Variants in AGMO observed in about 807,000 individuals in gnomAD.
The protein encoded by AGMO is alkylglycerol monooxygenase.
In AGMO, 75 loss-of-function variants were observed where a neutral mutation model predicts 60.2. The observed-to-expected ratio is 1.25, with a 90% CI of 1.03 to 1.51. AGMO has a LOEUF of 1.51. AGMO is among the 40% of genes most tolerant of loss of function. AGMO has a pLI of 0.00. For synonymous variants in AGMO, 261 were observed against 177.1 expected (o/e 1.47, Z -3.76); for missense variants, 763 against 525.5 (o/e 1.45, Z -4.42).
chr7:15,394,092 G>C (rs201523312), intron 6 of AGMO, 21 bp downstream of exon 6: 205 of 1,575,490 alleles, frequency 1.3e-4, no homozygotes, highest in Non-Finnish European at 1.7e-4. Flanking sequence ...AGAAAAGAGA[G>C]AAGAAACAAA....
intron 12 of AGMO, among the ~76,000 whole-genome samples, chr7:15,308,114 A>T (rs1386706282): frequency 6.6e-6 from 1 of 152,036 alleles, no homozygotes; most frequent in Non-Finnish European, 1.5e-5. Context: ...TTTCCAAAAG[A>T]GCAAATCTAT....
intron 3 of AGMO, among the ~76,000 whole-genome samples, chr7:15,456,410 G>C (rs1340136736): frequency 1.3e-5 from 2 of 152,072 alleles, no homozygotes; most frequent in Admixed American, 6.6e-5. Context: ...ACATCAGGAA[G>C]AAGTCTTCCT....
At position 15,405,200 on chromosome 7, in the gene AGMO, C is replaced by T. The variant is rs114408089; in HGVS notation, c.610-11021G>A. 4.6e-3 allele frequency among the ~76,000 whole-genome samples: 702 copies of T among 151,892 alleles called. 6 individuals are homozygous for T. Among genetic ancestry groups the T allele is most frequent in the African/African-American group, 0.016 (647 of 41,484 alleles). On this transcript the variant is annotated intron_variant, in intron 5 of 12. Coordinates refer to ENST00000342526, the MANE Select transcript of AGMO (RefSeq NM_001004320.2). Reference sequence around the variant, plus strand: ...TTTCCTATGAGTACATTCTTCTTGTCGCTTTCTCTGCCTCCTGACAATAAA... The same window carrying T: ...TTTCCTATGAGTACATTCTTCTTGTTGCTTTCTCTGCCTCCTGACAATAAA...
At chr7:15,136,749 A>ATG in the AGMO span, among the ~76,000 whole-genome samples, 1,000 of 150,524 alleles carry the variant, frequency 6.6e-3, 3 homozygotes, top group Admixed American at 8.8e-3. Flanking sequence ...TGTGATGTGT[A>ATG]TGTGTGTGTG....
intron 12 of AGMO, among the ~76,000 whole-genome samples, chr7:15,210,373 A>T (rs1781554421): frequency 6.6e-6 from 1 of 152,142 alleles, no homozygotes; most frequent in African/African-American, 2.4e-5. Flanking sequence ...ATCCTCTGCT[A>T]ATATTAATCT....
chr7:15,284,442 C>T (rs1050324514), intron 12 of AGMO, among the ~76,000 whole-genome samples: 13 of 152,038 alleles, frequency 8.6e-5, no homozygotes, highest in African/African-American at 2.9e-4. Flanking sequence ...ACCATAAACA[C>T]TTTTATGCAC....
the AGMO span, among the ~76,000 whole-genome samples, chr7:15,184,522 G>T: frequency 2.9e-5 from 4 of 137,220 alleles, no homozygotes; most frequent in African/African-American, 1.1e-4. Context: ...AGGAAGGGAG[G>T]GAGGGAAGGA....
At chr7:15,552,091 T>C (rs1361721666) in intron 2 of AGMO, among the ~76,000 whole-genome samples, 1 of 152,074 alleles carries the variant, frequency 6.6e-6, no homozygotes, top group Non-Finnish European at 1.5e-5. Context: ...ATTTAATAAA[T>C]GGTGCTGGGA....
At chr7:15,221,133 G>A (rs890900901) in intron 12 of AGMO, among the ~76,000 whole-genome samples, 1 of 152,074 alleles carries the variant, frequency 6.6e-6, no homozygotes, top group African/African-American at 2.4e-5. Context: ...TGCCTCCTTG[G>A]TAGTGGGCTC....
chr7:15,258,774 C>T (rs1040564814), intron 12 of AGMO, among the ~76,000 whole-genome samples: 2 of 152,054 alleles, frequency 1.3e-5, no homozygotes, highest in African/African-American at 4.8e-5. Context: ...TCGCCAGTAC[C>T]ATCCCAGAGC....
intron 3 of AGMO, among the ~76,000 whole-genome samples, chr7:15,534,690 ATTATG>A (rs1364623840): frequency 6.6e-6 from 1 of 151,888 alleles, no homozygotes; most frequent in Non-Finnish European, 1.5e-5. Context: ...CTAGCTTTGG[ATTATG>A]TTATATGATA....
intron 12 of AGMO, among the ~76,000 whole-genome samples, chr7:15,278,673 A>G (rs2128517671): frequency 6.6e-6 from 1 of 152,302 alleles, no homozygotes; most frequent in South Asian, 2.1e-4. Flanking sequence ...TTCCTCTCAC[A>G]GAAGTGGTAG....
chr7:15,380,083 C>T (rs1227925747), intron 10 of AGMO, among the ~76,000 whole-genome samples: 1 of 152,048 alleles, frequency 6.6e-6, no homozygotes, highest in Admixed American at 6.6e-5. Flanking sequence ...GGAAGCATTC[C>T]CCTTGAAACC....
At chr7:15,475,531 G>C (rs181688565) in intron 3 of AGMO, among the ~76,000 whole-genome samples, 5 of 151,946 alleles carry the variant, frequency 3.3e-5, no homozygotes, top group Admixed American at 6.6e-5. Context: ...TCACACACTG[G>C]GGCCTGTCGG....
chr7:15,188,302 G>T, the AGMO span, among the ~76,000 whole-genome samples: 10 of 152,178 alleles, frequency 6.6e-5, no homozygotes. Flanking sequence ...GCCAAGAAAA[G>T]AGTATATTAC....
intron 12 of AGMO, among the ~76,000 whole-genome samples, chr7:15,229,701 T>TA (rs1782196358): frequency 1.4e-5 from 2 of 138,976 alleles, no homozygotes; most frequent in East Asian, 3.9e-4. Context: ...TAACTAATTA[T>TA]TTATATATAT....
intron 12 of AGMO, among the ~76,000 whole-genome samples, chr7:15,335,400 A>T (rs1781625337): frequency 6.6e-6 from 1 of 152,182 alleles, no homozygotes; most frequent in Admixed American, 6.6e-5. Flanking sequence ...TTGGTGATCT[A>T]AGTGGAAATA....
intron 12 of AGMO, among the ~76,000 whole-genome samples, chr7:15,249,694 G>A (rs2128506021): frequency 6.6e-6 from 1 of 152,180 alleles, no homozygotes; most frequent in South Asian, 2.1e-4. Context: ...ATGTGATGGG[G>A]GGGAAATAAA....
chr7:15,421,737 C>T (rs1024562581), intron 4 of AGMO, among the ~76,000 whole-genome samples: 4 of 151,950 alleles, frequency 2.6e-5, no homozygotes, highest in Non-Finnish European at 4.4e-5. Flanking sequence ...GTCCAGGAGG[C>T]TATTGAGTAA....
Sources: allele counts gnomAD v4.1 joint callset (sites outside exome capture counted in the v4.1 genomes callset), GRCh38; gene constraint gnomAD v4.1.1; transcripts MANE v1.5; gene names NCBI Gene and HGNC (gene_info 2026-07-23, HGNC 2026-07-21).